The following TRIQK variants were observed in gnomAD, a reference collection of about 807,000 sequenced individuals.
TRIQK encodes the protein triple QxxK/R motif containing, also known as triple QxxK/R motif-containing protein.
Under a neutral mutation model 10.8 loss-of-function variants are expected in TRIQK, and 10 were observed. The observed-to-expected ratio is 0.92, with a 90% CI of 0.57 to 1.57. The LOEUF (loss-of-function observed/expected upper bound fraction) is 1.57. Ranked by LOEUF, TRIQK falls within the 40% of genes most tolerant of loss-of-function variation. The pLI, the probability that TRIQK is intolerant of heterozygous loss-of-function variation, is 0.00. For synonymous variants in TRIQK, 33 were observed against 33.7 expected, an observed-to-expected ratio of 0.98 and a Z score of 0.07; for missense variants, 107 against 97.7, an observed-to-expected ratio of 1.09 and a Z score of -0.40.
At chr8:92,909,978 C>G (rs1452174004) in intron 3 of TRIQK, among the ~76,000 whole-genome samples, 1 of 151,496 alleles carries the variant, frequency 6.6e-6, no homozygotes, top group African/African-American at 2.4e-5. Flanking sequence ...TTTAGTTAAA[C>G]ATACTGCTTA....
intron 2 of TRIQK, among the ~76,000 whole-genome samples, chr8:92,933,483 T>C (rs928839161): frequency 5.9e-5 from 9 of 152,074 alleles, no homozygotes; most frequent in Non-Finnish European, 2.9e-5. Flanking sequence ...TATAGACATA[T>C]GCTCCACGCT....
chr8:92,990,769 G>T (rs953487507), intron 1 of TRIQK, among the ~76,000 whole-genome samples: 1 of 152,192 alleles, frequency 6.6e-6, no homozygotes, highest in Non-Finnish European at 1.5e-5. Flanking sequence ...CAGACCAAGA[G>T]ATTCCCTTGG....
chr8:92,889,020 G>A (rs980746026), intron 4 of TRIQK, among the ~76,000 whole-genome samples: 5 of 151,324 alleles, frequency 3.3e-5, no homozygotes, highest in South Asian at 2.1e-4. Context: ...TTTTTTAGGC[G>A]GCACTCATTG....
chr8:92,953,161 A>G (rs2130675766), intron 2 of TRIQK, among the ~76,000 whole-genome samples: 1 of 152,172 alleles, frequency 6.6e-6, no homozygotes, highest in East Asian at 1.9e-4. Context: ...ACACAATACT[A>G]TAGTAAAATG....
At chr8:92,982,186 GT>G (rs1812993499) in intron 1 of TRIQK, among the ~76,000 whole-genome samples, 1 of 151,616 alleles carries the variant, frequency 6.6e-6, no homozygotes, top group Admixed American at 6.6e-5. Context: ...CTTTTTGACA[GT>G]TTTTTATTTG....
chr8:92,955,654 A>G (rs1812131963), intron 1 of TRIQK, among the ~76,000 whole-genome samples: 1 of 151,790 alleles, frequency 6.6e-6, no homozygotes, highest in Non-Finnish European at 1.5e-5. Flanking sequence ...AGAATAGAAG[A>G]AAATACTTGC....
chr8:92,915,193 T>C (rs1433626428), intron 3 of TRIQK, among the ~76,000 whole-genome samples: 2 of 152,136 alleles, frequency 1.3e-5, no homozygotes, highest in Non-Finnish European at 2.9e-5. Context: ...TGGAATGGTG[T>C]TAGCAGAGTT....
At chr8:93,007,877 A>G (rs191597151) in intron 1 of TRIQK, among the ~76,000 whole-genome samples, 2 of 152,318 alleles carry the variant, frequency 1.3e-5, no homozygotes, top group Non-Finnish European at 2.9e-5. Context: ...TATTTCAACA[A>G]CATAGTCTAA....
intron 1 of TRIQK, among the ~76,000 whole-genome samples, chr8:92,978,494 C>T (rs1389010381): frequency 2.6e-5 from 4 of 152,006 alleles, no homozygotes; most frequent in Non-Finnish European, 4.4e-5. Context: ...AATTATTTAT[C>T]GTAATTTGGG....
chr8:92,991,998 TAA>T (rs1295122680), intron 1 of TRIQK, among the ~76,000 whole-genome samples: 1 of 151,868 alleles, frequency 6.6e-6, no homozygotes, highest in African/African-American at 2.4e-5. Context: ...CTCAACGAAA[TAA>T]AAGAGGACAC....
chr8:92,957,797 A>T (rs577559103), intron 1 of TRIQK, among the ~76,000 whole-genome samples: 124 of 152,030 alleles, frequency 8.2e-4, no homozygotes, highest in African/African-American at 2.8e-3. Context: ...ATTCTAAAAA[A>T]GTTTAATGAT....
intron 2 of TRIQK, 56 bp from the exon 3 acceptor site, chr8:92,917,066 C>A: frequency 1.9e-6 from 2 of 1,070,294 alleles, no homozygotes; most frequent in South Asian, 2.0e-5. Context: ...TCTATAAAAT[C>A]CAGAAATAGT....
intron 3 of TRIQK, among the ~76,000 whole-genome samples, chr8:92,899,958 A>G (rs1300233973): frequency 1.3e-5 from 2 of 152,052 alleles, no homozygotes; most frequent in Non-Finnish European, 2.9e-5. Flanking sequence ...CTGAGGTGAG[A>G]TGATATTTCA....
Sources: gnomAD v4.1 joint callset for allele counts (sites outside exome capture counted in the v4.1 genomes callset) on GRCh38, gnomAD v4.1.1 for gene constraint, MANE v1.5 for transcripts, NCBI Gene and HGNC (gene_info 2026-07-23, HGNC 2026-07-21) for gene names.